The following SHOX2 variants were observed in gnomAD, a reference collection of about 807,000 sequenced individuals.
SHOX2 encodes SHOX homeobox 2, also known as short stature homeobox protein 2.
SHOX2 carries 13 observed loss-of-function variants against 31.3 expected under a neutral mutation model. The ratio of observed to expected loss-of-function variants is 0.42; its 90% CI spans 0.27 to 0.66. The LOEUF is 0.66. Among genes scored for constraint, SHOX2 ranks in the 30% least tolerant of loss-of-function variants. The pLI, the probability that SHOX2 is intolerant of heterozygous loss-of-function variation, is 0.27. For missense variants in SHOX2, 473 were observed against 443.0 expected (o/e 1.07, Z -0.61); for synonymous variants, 244 against 196.2 (o/e 1.24, Z -2.04).
Position 158,106,138 on chromosome 3 carries a change from G to A in SHOX2, c.-114C>T, listed in dbSNP as rs945065159. ...CCAATAATAACACATCAATGGGACA[G>A]GAGGTGGGGGAGGAGAGGGAGGAGG... On this transcript the variant is annotated 5_prime_UTR_variant, in exon 1 of 5. Coordinates refer to ENST00000483851, the MANE Select transcript of SHOX2 (RefSeq NM_001163678.2). The A allele has an allele frequency of 1.3e-6, 2 of 1,497,378 alleles. No homozygotes were observed. The highest frequency in any genetic ancestry group is 9.0e-7 in the Non-Finnish European group (1 of 1,115,648). The allele number at this position is 1,497,378 out of a possible 1,614,324, so 92.8% of individuals were successfully genotyped here. A position where few individuals can be genotyped will look rare whatever the true frequency, so the allele number is the denominator to read the frequency against.
At position 158,100,391 on chromosome 3, in the gene SHOX2, A is replaced by G. The variant is rs551942973; in HGVS notation, c.556-80T>C. The G allele has an allele frequency of 6.7e-6, 7 of 1,050,396 alleles. No individual in the cohort carries two copies. The South Asian group carries it at 9.9e-5, about 15-fold the overall frequency. The allele number at this position is 1,050,396 out of a possible 1,614,324, so 65.1% of individuals were successfully genotyped here. On this transcript the variant is annotated intron_variant, in intron 2 of 4. Coordinates refer to ENST00000483851, the MANE Select transcript of SHOX2 (RefSeq NM_001163678.2). ...TTTTAAATTACAAAAGTACAAAGAG[A>G]AAAGAGTCGTGGTTTAGACAAGAAT... is the stretch of plus-strand genomic sequence containing the variant.
intron 4 of SHOX2, 105 bp downstream of exon 4, chr3:158,099,755 G>GCAGA: frequency 1.2e-6 from 1 of 825,208 alleles, no homozygotes; most frequent in Non-Finnish European, 2.0e-6. Flanking sequence ...CTCCAACTAT[G>GCAGA]CAGACATTGA....
intron 2 of SHOX2, among the ~76,000 whole-genome samples, chr3:158,100,968 G>A (rs1374218429): frequency 6.6e-6 from 1 of 152,130 alleles, no homozygotes; most frequent in East Asian, 1.9e-4. Context: ...ATAAAAGTAT[G>A]AAACAACAAT....
chr3:158,103,244 C>T (rs1158998009), intron 1 of SHOX2: 7 of 350,556 alleles, frequency 2.0e-5, no homozygotes, highest in African/African-American at 8.5e-5. Flanking sequence ...CTCACTTGCT[C>T]CGCAGCACTC....
Position 158,100,312 on chromosome 3 carries a change from C to T in SHOX2, c.556-1G>A, listed in dbSNP as rs1355518433. 1 of 1,595,196 alleles carries T rather than the reference C, an allele frequency of 6.3e-7. No homozygotes were observed. The highest frequency in any genetic ancestry group is 8.5e-7 in the Non-Finnish European group (1 of 1,174,740). ...TAGCTCTTCGATTTTGAAACCAAAC[C>T]TATAGGTTGGAGGGGGAAAAAAAAT... On this transcript the variant is annotated splice_acceptor_variant, in intron 2 of 4. Coordinates refer to ENST00000483851, the MANE Select transcript of SHOX2 (RefSeq NM_001163678.2). LOFTEE classifies it high-confidence loss of function.
chr3:158,100,229 A>G (rs769353371), intron 3 of SHOX2, 25 bp downstream of exon 3: 2 of 1,538,278 alleles, frequency 1.3e-6, no homozygotes, highest in South Asian at 1.2e-5. Flanking sequence ...CAGACTATCA[A>G]ATGTTCCTTG....
At position 158,102,894 on chromosome 3, in the gene SHOX2, G is replaced by C. The variant is rs1713596723; in HGVS notation, c.347-8C>G. 1 of 1,612,874 alleles carries C rather than the reference G, an allele frequency of 6.2e-7. No individual in the cohort carries two copies. The highest frequency in any genetic ancestry group is 1.7e-5 in the Admixed American group (1 of 59,966). ...CTTTCAGCTCCGGGGACACTGGAGGGGGCACCCCAGCGGGGCCACACGTGC... is the reference window on the plus strand; with the variant it reads ...CTTTCAGCTCCGGGGACACTGGAGGCGGCACCCCAGCGGGGCCACACGTGC... On this transcript the variant is annotated splice_polypyrimidine_tract_variant and splice_region_variant and intron_variant, in intron 1 of 4. Coordinates refer to ENST00000483851, the MANE Select transcript of SHOX2 (RefSeq NM_001163678.2).
chr3:158,103,058 G>C, intron 1 of SHOX2, 172 bp from the exon 2 acceptor site: 1 of 686,960 alleles, frequency 1.5e-6, no homozygotes, highest in Non-Finnish European at 2.5e-6. Context: ...CAACCCACCC[G>C]GAGGAAGAAT....
rs149542490 is a variant in SHOX2, at chr3:158,098,085, G to C, written c.902C>G (p.Ser301Cys). ...AAAAKTTSKN[S>C]SIADLRLKAK... ...TTTCAGTCTGAGATCGGCGATGCTG[G>C]AGTTCTTGCTGGTGGTCTTGGCGGC... Residue 301 changes from serine (S) to cysteine (C), a missense_variant, in exon 5 of 5, where the codon TCC becomes TGC. Coordinates refer to ENST00000483851, the MANE Select transcript of SHOX2 (RefSeq NM_001163678.2). 2 of 1,612,382 alleles carry C rather than the reference G, an allele frequency of 1.2e-6. No homozygotes were observed. The highest frequency in any genetic ancestry group is 1.7e-4 in the Middle Eastern group (1 of 5,994).
At chr3:158,099,216 G>T (rs1713328235) in intron 4 of SHOX2, among the ~76,000 whole-genome samples, 1 of 152,248 alleles carries the variant, frequency 6.6e-6, no homozygotes, top group Admixed American at 6.5e-5. Context: ...AAAGTGGGGA[G>T]TTCAGAGCAC....
At chr3:158,103,306 T>C in intron 1 of SHOX2, 1 of 254,190 alleles carries the variant, frequency 3.9e-6, no homozygotes, top group Non-Finnish European at 7.8e-6. Context: ...AGTCTGGACA[T>C]AAGGGCGCGG....
At chr3:158,099,649 A>T (rs35588117) in intron 4 of SHOX2, among the ~76,000 whole-genome samples, 1 of 152,036 alleles carries the variant, frequency 6.6e-6, no homozygotes, top group Non-Finnish European at 1.5e-5. Context: ...CCCTTCAGGG[A>T]TTCCCATGAG....
chr3:158,105,746 G>C lies in SHOX2; in HGVS notation c.279C>G (p.Pro93=). 1.3e-6 allele frequency: 2 copies of C among 1,521,806 alleles called. No individual in the cohort carries two copies. Among genetic ancestry groups the C allele is most frequent in the South Asian group, 2.4e-5 (2 of 82,572 alleles). 94.3% of individuals were successfully genotyped at this position (1,521,806 alleles called of 1,614,324 possible). Residue 93 remains proline (P), a synonymous_variant, in exon 1 of 5, where the codon CCC becomes CCG. Coordinates refer to ENST00000483851, the MANE Select transcript of SHOX2 (RefSeq NM_001163678.2). Reference sequence around the variant, plus strand: ...CGGCGCCCATGTCCAGCTCCCGGACGGGAGAGCGCCCTCCTCCAGCTCCTC... The same window carrying C: ...CGGCGCCCATGTCCAGCTCCCGGACCGGAGAGCGCCCTCCTCCAGCTCCTC... The part of the protein sequence containing the change: ...AGGGAGGGRS[P]VRELDMGAAE...
intron 1 of SHOX2, among the ~76,000 whole-genome samples, chr3:158,104,309 G>C (rs1039429070): frequency 3.3e-5 from 5 of 152,236 alleles, no homozygotes; most frequent in Non-Finnish European, 7.3e-5. Context: ...GCACCTTGAC[G>C]GTAACTCCAC....
At position 158,105,089 on chromosome 3, in the gene SHOX2, C is replaced by T. The variant is rs753047735; in HGVS notation, c.346+590G>A. ...ACCGAAACGCCTCGCCCGGGAGAAG[C>T]AGCGTAGCCTGGACCTCAGCTTTCG... On this transcript the variant is annotated intron_variant, in intron 1 of 4. Coordinates refer to ENST00000483851, the MANE Select transcript of SHOX2 (RefSeq NM_001163678.2). 314 of 1,449,586 alleles carry T rather than the reference C, an allele frequency of 2.2e-4. No individual in the cohort carries two copies. The highest frequency in any genetic ancestry group is 2.8e-4 in the Non-Finnish European group (299 of 1,086,180). The allele number at this position is 1,449,586 out of a possible 1,614,324, so 89.8% of individuals were successfully genotyped here. A position where few individuals can be genotyped will look rare whatever the true frequency, so the allele number is the denominator to read the frequency against.
chr3:158,100,448 A>G (rs936645320), intron 2 of SHOX2, 137 bp from the exon 3 acceptor site: 14 of 565,972 alleles, frequency 2.5e-5, no homozygotes, highest in African/African-American at 1.5e-4. Flanking sequence ...TTTGAATTGT[A>G]TAAAACAGCC....
At chr3:158,103,171 T>C in intron 1 of SHOX2, 1 of 507,210 alleles carries the variant, frequency 2.0e-6, no homozygotes, top group East Asian at 3.7e-5. Flanking sequence ...ACCGCCTCAC[T>C]ATTCACCCCC....
rs763184179 is a variant in SHOX2 at position 158,102,789 on chromosome 3, G to C, written c.444C>G (p.Thr148=). ...TCTCCAGCTCATTGAGTTGTTCCAG[G>C]GTGAAATTGGTCCGACTTCGCCTCT... The part of the protein sequence containing the change: ...IKQRRSRTNF[T]LEQLNELERL... Residue 148 remains threonine, a synonymous_variant, in exon 2 of 5, where the codon ACC becomes ACG. Coordinates refer to ENST00000483851, the MANE Select transcript of SHOX2 (RefSeq NM_001163678.2). The C allele has an allele frequency of 4.3e-6, 7 of 1,614,004 alleles. No homozygotes were observed. The highest frequency in any genetic ancestry group is 5.9e-6 in the Non-Finnish European group (7 of 1,180,030).
In SHOX2 at chr3:158,097,693, G is replaced by T; in HGVS notation, c.*334C>A. ...TTCTATGCAAGAGTCCATCGTTGCA[G>T]CTTTGCGGTGAGCCAAACTCCGCGG... On this transcript the variant is annotated 3_prime_UTR_variant, in exon 5 of 5. Transcript: ENST00000483851. The T allele has an allele frequency of 3.5e-6, 1 of 289,316 alleles. No individual in the cohort carries two copies. Among genetic ancestry groups the T allele is most frequent in the Non-Finnish European group, 6.4e-6 (1 of 156,392 alleles). 17.9% of individuals were successfully genotyped at this position (289,316 alleles called of 1,614,324 possible).
Sources: gnomAD v4.1 joint callset for allele counts (sites outside exome capture counted in the v4.1 genomes callset) on GRCh38, gnomAD v4.1.1 for gene constraint, MANE v1.5 for transcripts, NCBI Gene and HGNC (gene_info 2026-07-23, HGNC 2026-07-21) for gene names.